Variants in ZZZ3 observed in about 807,000 individuals in gnomAD.
ZZZ3 encodes the protein ZZ-type zinc finger-containing protein 3.
ZZZ3 carries 22 observed loss-of-function variants against 95.2 expected under a neutral mutation model. The observed-to-expected ratio is 0.23, with a 90% confidence interval of 0.17 to 0.33. The LOEUF (loss-of-function observed/expected upper bound fraction) is 0.33. Among genes scored for constraint, ZZZ3 ranks in the 10% least tolerant of loss-of-function variants. The probability of loss-of-function intolerance (pLI) is 1.00; values close to 1 mark genes in which losing one functional copy is unlikely to be tolerated. For missense variants in ZZZ3, 885 were observed against 1,066.5 expected, an observed-to-expected ratio of 0.83 and a Z score of 2.37; for synonymous variants, 335 against 358.9, an observed-to-expected ratio of 0.93 and a Z score of 0.75.
intron 5 of ZZZ3, among the ~76,000 whole-genome samples, chr1:77,607,608 A>C (rs1326026995): frequency 6.6e-6 from 1 of 152,172 alleles, no homozygotes; most frequent in Non-Finnish European, 1.5e-5. Flanking sequence ...AGAATTAGTG[A>C]GCTTTAAGAC....
At chr1:77,671,077 C>T (rs1423062035) in intron 1 of ZZZ3, among the ~76,000 whole-genome samples, 2 of 151,738 alleles carry the variant, frequency 1.3e-5, no homozygotes, top group South Asian at 2.1e-4. Context: ...CAGCAACTGC[C>T]GGTCCAACCT....
chr1:77,583,138 T>C (rs947311101), intron 6 of ZZZ3, among the ~76,000 whole-genome samples: 1 of 151,540 alleles, frequency 6.6e-6, no homozygotes, highest in Non-Finnish European at 1.5e-5. Context: ...GAAATGAAAG[T>C]CCGTTCTAAA....
intron 1 of ZZZ3, among the ~76,000 whole-genome samples, chr1:77,665,931 C>T (rs1049202290): frequency 2.0e-5 from 3 of 152,170 alleles, no homozygotes; most frequent in Non-Finnish European, 4.4e-5. Context: ...ATCTCCGCTA[C>T]TCAAGAGGCT....
intron 5 of ZZZ3, among the ~76,000 whole-genome samples, chr1:77,594,525 A>G (rs1664033275): frequency 6.6e-6 from 1 of 152,118 alleles, no homozygotes; most frequent in African/African-American, 2.4e-5. Flanking sequence ...ACTACAAAAG[A>G]AAATAAGAGC....
intron 12 of ZZZ3, 111 bp from the exon 13 acceptor site, chr1:77,568,577 ATC>A (rs1471071070): frequency 2.3e-5 from 14 of 606,790 alleles, no homozygotes; most frequent in Non-Finnish European, 3.4e-5. Flanking sequence ...TTTTTAAAAT[ATC>A]TCTTAGTACT....
chr1:77,581,353 A>G (rs1223370964), intron 8 of ZZZ3, among the ~76,000 whole-genome samples: 1 of 152,192 alleles, frequency 6.6e-6, no homozygotes, highest in East Asian at 1.9e-4. Flanking sequence ...ATTGAAAAGT[A>G]ACATGTCCAC....
chr1:77,597,372 A>G (rs1434595804), intron 5 of ZZZ3, among the ~76,000 whole-genome samples: 1 of 152,178 alleles, frequency 6.6e-6, no homozygotes, highest in African/African-American at 2.4e-5. Context: ...TAACTTATGC[A>G]GACACTCTGC....
At chr1:77,607,596 A>C (rs575176475) in intron 5 of ZZZ3, among the ~76,000 whole-genome samples, 1 of 152,212 alleles carries the variant, frequency 6.6e-6, no homozygotes, top group Non-Finnish European at 1.5e-5. Context: ...CACACAGAAG[A>C]AAGAATTAGT....
At chr1:77,611,148 C>T (rs1237405654) in intron 5 of ZZZ3, among the ~76,000 whole-genome samples, 3 of 132,110 alleles carry the variant, frequency 2.3e-5, no homozygotes. Context: ...AATCAACATA[C>T]AATAATCAGT....
chr1:77,659,657 G>C (rs2101007278), intron 1 of ZZZ3, among the ~76,000 whole-genome samples: 1 of 146,892 alleles, frequency 6.8e-6, no homozygotes, highest in South Asian at 2.1e-4. Flanking sequence ...CACTCCAGCA[G>C]CCTGGGTGAC....
chr1:77,589,008 T>C (rs568021162), intron 5 of ZZZ3, among the ~76,000 whole-genome samples: 21 of 152,292 alleles, frequency 1.4e-4, no homozygotes, highest in African/African-American at 5.1e-4. Flanking sequence ...GCCTCCCACG[T>C]AGCTGGGACA....
At position 77,584,549 on chromosome 1, in the gene ZZZ3, G is replaced by T. The variant is rs751501617; in HGVS notation, c.1612C>A (p.Pro538Thr). 1.2e-5 allele frequency: 19 copies of T among 1,612,470 alleles called. No individual in the cohort carries two copies. The highest frequency in any genetic ancestry group is 1.5e-5 in the Non-Finnish European group (18 of 1,179,560). Residue 538 changes from proline to threonine, a missense_variant, in exon 6 of 15, where the codon CCC becomes ACC. Transcript: ENST00000370801. ...GRHQREALKNPIGFVEKLQKK... is the reference protein window; with the variant it reads ...GRHQREALKNTIGFVEKLQKK... ...TGGAGTTTTTCCACAAATCCAATGGGATTTTTCAGTGCTTCTCTCTGGTGC... is the reference window on the plus strand; with the variant it reads ...TGGAGTTTTTCCACAAATCCAATGGTATTTTTCAGTGCTTCTCTCTGGTGC...
chr1:77,654,626 C>G (rs1037637633), intron 1 of ZZZ3, among the ~76,000 whole-genome samples: 1 of 151,916 alleles, frequency 6.6e-6, no homozygotes, highest in East Asian at 1.9e-4. Context: ...AAAACAAAAC[C>G]GAAAAGAAAA....
chr1:77,606,024 C>A (rs1054710215), intron 5 of ZZZ3, among the ~76,000 whole-genome samples: 13 of 152,186 alleles, frequency 8.5e-5, no homozygotes, highest in African/African-American at 3.1e-4. Flanking sequence ...GGATAGAGCA[C>A]CAAGCAGGCT....
intron 1 of ZZZ3, among the ~76,000 whole-genome samples, chr1:77,646,807 T>C (rs1262173290): frequency 6.6e-6 from 1 of 152,210 alleles, no homozygotes; most frequent in Non-Finnish European, 1.5e-5. Flanking sequence ...GGAGAATTTC[T>C]AAGCTGCAGA....
In ZZZ3 at chr1:77,679,924, A is replaced by G. The variant is rs904995855; in HGVS notation, c.-403+2661T>C. ...TATTTCCCAAGACCCAATACTGAAA[A>G]GTTTATAAAACAAAAGTTCTAAGAA... On this transcript the variant is annotated intron_variant, in intron 1 of 14. Transcript: ENST00000370801. 2.6e-5 allele frequency among the ~76,000 whole-genome samples: 4 copies of G among 152,200 alleles called. No homozygotes were observed. The East Asian group carries it at 7.7e-4, about 29-fold the overall frequency.
intron 5 of ZZZ3, among the ~76,000 whole-genome samples, chr1:77,594,271 A>G (rs1664001013): frequency 6.6e-6 from 1 of 152,148 alleles, no homozygotes; most frequent in Non-Finnish European, 1.5e-5. Context: ...CTAAAAGGAA[A>G]TTATCAGGAA....
At chr1:77,569,513 T>C (rs1232596751) in intron 12 of ZZZ3, among the ~76,000 whole-genome samples, 6 of 152,220 alleles carry the variant, frequency 3.9e-5, no homozygotes, top group African/African-American at 9.6e-5. Flanking sequence ...AAAATTTGTC[T>C]ATTTAAAATT....
intron 5 of ZZZ3, among the ~76,000 whole-genome samples, chr1:77,631,454 A>G (rs1667806566): frequency 6.6e-6 from 1 of 152,220 alleles, no homozygotes. Context: ...CAGACTTCAC[A>G]TATCTGGATG....
Sources: allele counts gnomAD v4.1 joint callset (sites outside exome capture counted in the v4.1 genomes callset), GRCh38; gene constraint gnomAD v4.1.1; transcripts MANE v1.5; gene names NCBI Gene and HGNC (gene_info 2026-07-23, HGNC 2026-07-21).